Variants in CHAT observed in about 807,000 individuals in gnomAD.
The protein encoded by CHAT is acetyl CoA:choline O-acetyltransferase.
Under a neutral mutation model 76.9 loss-of-function variants are expected in CHAT, and 61 were observed. The observed-to-expected ratio is 0.79, with a 90% CI of 0.65 to 0.98. CHAT has a LOEUF of 0.98. Ranked by LOEUF, CHAT falls within the 50% of genes least tolerant of loss-of-function variation. CHAT has a pLI of 0.00. For missense variants in CHAT, 946 were observed against 986.9 expected, an observed-to-expected ratio of 0.96 and a Z score of 0.56; for synonymous variants, 407 against 397.4, an observed-to-expected ratio of 1.02 and a Z score of -0.29.
rs1840303812 is a variant in CHAT, at chr10:49,664,858, G to C, written c.2059G>C (p.Glu687Gln). The change falls in exon 15 of 15, where the codon GAG becomes CAG. Residue 687 changes from glutamate (E) to glutamine (Q), a missense_variant. Glu to Gln is a conservative substitution (Grantham distance 29). Coordinates refer to ENST00000337653, the MANE Select transcript of CHAT (RefSeq NM_020549.5). ...GYGACYNPQPETILFCISSFH... is the reference protein window; with the variant it reads ...GYGACYNPQPQTILFCISSFH... ...TGGTGCCTGCTACAACCCCCAGCCA[G>C]AGACCATCCTTTTCTGCATCTCTAG... The C allele has an allele frequency of 1.9e-6, 3 of 1,614,086 alleles. No individual in the cohort carries two copies. The highest frequency in any genetic ancestry group is 2.7e-5 in the African/African-American group (2 of 74,932).
chr10:49,620,535 G>T lies in CHAT; in HGVS notation c.620G>T (p.Arg207Leu). ...CTGAATGACATGTATCTCAACAACC[G>T]CCTGGCCCTGCCTGTCAACTCCAGC... ...YWLNDMYLNN[R>L]LALPVNSSPA... is the part of the protein sequence containing the mutation. The change falls in exon 4 of 15, where the codon CGC (arginine) becomes CTC (leucine). Residue 207 changes from arginine to leucine, a missense_variant. Arg to Leu is a moderately radical substitution (Grantham distance 102). Transcript: ENST00000337653. 1.9e-6 allele frequency: 3 copies of T among 1,613,766 alleles called. No individual in the cohort carries two copies. Among genetic ancestry groups the T allele is most frequent in the Non-Finnish European group, 2.5e-6 (3 of 1,179,818 alleles).
chr10:49,656,892 C>T (rs2132837134), intron 13 of CHAT, among the ~76,000 whole-genome samples: 1 of 152,172 alleles, frequency 6.6e-6, no homozygotes, highest in East Asian at 1.9e-4. Context: ...AACTCCTCCT[C>T]TTGGTGGAAG....
At chr10:49,629,367 C>T (rs915826494) in intron 7 of CHAT, among the ~76,000 whole-genome samples, 1 of 152,222 alleles carries the variant, frequency 6.6e-6, no homozygotes, top group African/African-American at 2.4e-5. Context: ...AAATAGGGGG[C>T]TGCAGGAGCC....
intron 5 of CHAT, 152 bp downstream of exon 5, chr10:49,622,302 C>T (rs751548863): frequency 7.2e-6 from 6 of 834,782 alleles, no homozygotes; most frequent in African/African-American, 1.7e-5. Flanking sequence ...CCCCCACCAT[C>T]AGGATGACCT....
At chr10:49,615,165 G>C (rs548322648) in intron 1 of CHAT, among the ~76,000 whole-genome samples, 2 of 151,346 alleles carry the variant, frequency 1.3e-5, no homozygotes, top group South Asian at 2.1e-4. Flanking sequence ...ATGGGGGGGA[G>C]GGGGGGGCTC....
chr10:49,636,876 G>T (rs1276224705), intron 7 of CHAT, among the ~76,000 whole-genome samples: 1 of 152,134 alleles, frequency 6.6e-6, no homozygotes, highest in African/African-American at 2.4e-5. Context: ...AATGCATTGT[G>T]GTAGTTTATA....
At chr10:49,644,961 G>A (rs937935631) in intron 7 of CHAT, among the ~76,000 whole-genome samples, 4 of 152,222 alleles carry the variant, frequency 2.6e-5, no homozygotes, top group African/African-American at 9.6e-5. Context: ...CATTATATCT[G>A]TGATCCAGGC....
At chr10:49,639,183 G>A (rs1021388749) in intron 7 of CHAT, among the ~76,000 whole-genome samples, 1 of 152,162 alleles carries the variant, frequency 6.6e-6, no homozygotes, top group African/African-American at 2.4e-5. Context: ...GCAGTGAGCC[G>A]AGATTGGGCC....
intron 7 of CHAT, among the ~76,000 whole-genome samples, chr10:49,628,965 C>T (rs1422039309): frequency 6.6e-6 from 1 of 152,276 alleles, no homozygotes; most frequent in Non-Finnish European, 1.5e-5. Context: ...GGGTCTTCCC[C>T]CAGATCCAGC....
At chr10:49,638,641 ATAACT>A (rs1839373236) in intron 7 of CHAT, among the ~76,000 whole-genome samples, 1 of 152,222 alleles carries the variant, frequency 6.6e-6, no homozygotes, top group Non-Finnish European at 1.5e-5. Flanking sequence ...TTGTATATAC[ATAACT>A]TATCACAGTT....
chr10:49,658,548 C>A (rs955143903), intron 13 of CHAT, among the ~76,000 whole-genome samples: 41 of 150,812 alleles, frequency 2.7e-4, no homozygotes, highest in Non-Finnish European at 4.9e-4. Flanking sequence ...AACACCACCA[C>A]CACCAACAAA....
chr10:49,619,823 C>T lies in CHAT; in HGVS notation c.486C>T (p.Ser162=). Residue 162 remains serine (S), a synonymous_variant, in exon 3 of 15, where the codon AGC becomes AGT. Coordinates refer to ENST00000337653, the MANE Select transcript of CHAT (RefSeq NM_020549.5). ...HLVSEEQFRK[S]QAIVQQFGAP... ...TGTCTGAGGAGCAGTTCAGGAAGAG[C>T]CAGGCCATTGTGCAGCAGTTTGGGG... 1 of 1,613,962 alleles carries T rather than the reference C, an allele frequency of 6.2e-7. No homozygotes were observed. Among genetic ancestry groups the T allele is most frequent in the South Asian group, 1.1e-5 (1 of 90,978 alleles).
At chr10:49,636,888 T>C (rs1839310859) in intron 7 of CHAT, among the ~76,000 whole-genome samples, 1 of 152,250 alleles carries the variant, frequency 6.6e-6, no homozygotes, top group Admixed American at 6.5e-5. Context: ...TAGTTTATAC[T>C]TTTCAAGGGA....
intron 10 of CHAT, 96 bp from the exon 11 acceptor site, chr10:49,651,788 T>C: frequency 1.5e-6 from 2 of 1,319,620 alleles, no homozygotes; most frequent in African/African-American, 1.5e-5. Flanking sequence ...TCCAGAACGC[T>C]AGGACACAGA....
At chr10:49,621,670 T>TCACCCTC (rs1838714279) in intron 4 of CHAT, among the ~76,000 whole-genome samples, 1 of 152,054 alleles carries the variant, frequency 6.6e-6, no homozygotes, top group Non-Finnish European at 1.5e-5. Context: ...ACTCCACCCT[T>TCACCCTC]CACCCTCCAC....
chr10:49,632,943 G>A (rs1446909088), intron 7 of CHAT, among the ~76,000 whole-genome samples: 2 of 152,226 alleles, frequency 1.3e-5, no homozygotes, highest in African/African-American at 4.8e-5. Flanking sequence ...GCAGGAGTGT[G>A]TGCACTGACA....
chr10:49,631,114 C>T (rs527780480), intron 7 of CHAT, among the ~76,000 whole-genome samples: 108 of 152,236 alleles, frequency 7.1e-4, no homozygotes, highest in African/African-American at 2.4e-3. Flanking sequence ...CTGGTAGGGA[C>T]GGTGAAGGTG....
At chr10:49,617,224 GAAT>G (rs1838530643) in intron 2 of CHAT, among the ~76,000 whole-genome samples, 1 of 150,928 alleles carries the variant, frequency 6.6e-6, no homozygotes, top group African/African-American at 2.4e-5. Context: ...ACCCTGAGCA[GAAT>G]TTTCTGGCTT....
intron 11 of CHAT, among the ~76,000 whole-genome samples, chr10:49,653,482 CT>C (rs1839943073): frequency 6.6e-6 from 1 of 152,166 alleles, no homozygotes; most frequent in Non-Finnish European, 1.5e-5. Flanking sequence ...TGCAGTAAAG[CT>C]AGGGCAAGGC....
Sources: gnomAD v4.1 joint callset for allele counts (sites outside exome capture counted in the v4.1 genomes callset) on GRCh38, gnomAD v4.1.1 for gene constraint, MANE v1.5 for transcripts, NCBI Gene and HGNC (gene_info 2026-07-23, HGNC 2026-07-21) for gene names.